EPM2A: variants seen among roughly 807,000 people sequenced by gnomAD.
The protein encoded by EPM2A is laforin.
In EPM2A, 21 loss-of-function variants were observed where a neutral mutation model predicts 26.5. The ratio of observed to expected loss-of-function variants is 0.79; its 90% CI spans 0.56 to 1.14. The LOEUF is 1.14. Ranked by LOEUF, EPM2A falls within the 50% of genes most tolerant of loss-of-function variation. The pLI is 0.00. For synonymous variants in EPM2A, 217 were observed against 177.6 expected, an observed-to-expected ratio of 1.22 and a Z score of -1.76; for missense variants, 458 against 440.8, an observed-to-expected ratio of 1.04 and a Z score of -0.35.
intron 4 of EPM2A, among the ~76,000 whole-genome samples, chr6:145,454,069 C>G (rs1401288394): frequency 1.3e-5 from 2 of 152,128 alleles, no homozygotes; most frequent in Non-Finnish European, 2.9e-5. Context: ...CCATTAGTAT[C>G]TAATAATATG....
chr6:145,447,742 A>C (rs1779144556), intron 4 of EPM2A, among the ~76,000 whole-genome samples: 2 of 152,216 alleles, frequency 1.3e-5, no homozygotes, highest in Non-Finnish European at 2.9e-5. Flanking sequence ...AAAGCACCTA[A>C]AACTCCAAGA....
chr6:145,632,823 C>T (rs1471396003), intron 3 of EPM2A, among the ~76,000 whole-genome samples: 2 of 152,152 alleles, frequency 1.3e-5, no homozygotes, highest in African/African-American at 4.8e-5. Context: ...AAAAAGTTCC[C>T]CTGCCACTCA....
chr6:145,474,529 A>T (rs1334290469), intron 4 of EPM2A, among the ~76,000 whole-genome samples: 1 of 152,080 alleles, frequency 6.6e-6, no homozygotes, highest in Non-Finnish European at 1.5e-5. Flanking sequence ...CTAGAAGAAA[A>T]TCTAGGCAAT....
chr6:145,502,001 A>C (rs529475327), intron 3 of EPM2A, among the ~76,000 whole-genome samples: 1 of 152,350 alleles, frequency 6.6e-6, no homozygotes, highest in African/African-American at 2.4e-5. Context: ...ATTGAACCCT[A>C]AACAGCTAAC....
chr6:145,735,154 G>A (rs1167830435), intron 1 of EPM2A, 44 bp downstream of exon 1: 5 of 1,412,138 alleles, frequency 3.5e-6, no homozygotes, highest in Non-Finnish European at 4.7e-6. Context: ...GGTGCGGGCC[G>A]GAGCTCCCGC....
chr6:145,592,428 G>C (rs1781287170), intron 2 of EPM2A, among the ~76,000 whole-genome samples: 1 of 151,954 alleles, frequency 6.6e-6, no homozygotes. Flanking sequence ...CATTTGGGTT[G>C]GTTCCAAGTC....
At chr6:145,631,694 C>G (rs1776261940) in intron 3 of EPM2A, 1 of 152,188 alleles carries the variant, frequency 6.6e-6, no homozygotes, top group Non-Finnish European at 1.5e-5. Context: ...TTGAGCCAGC[C>G]AAGGTTGTGA....
At chr6:145,726,609 T>C (rs1440599141) in intron 1 of EPM2A, among the ~76,000 whole-genome samples, 1 of 152,130 alleles carries the variant, frequency 6.6e-6, no homozygotes, top group Non-Finnish European at 1.5e-5. Flanking sequence ...TATGATGTAA[T>C]AAGGAAGGCA....
chr6:145,661,856 A>C (rs1778733690), intron 2 of EPM2A, among the ~76,000 whole-genome samples: 1 of 152,128 alleles, frequency 6.6e-6, no homozygotes, highest in Non-Finnish European at 1.5e-5. Context: ...GTGATCACTG[A>C]TCTCTATCAT....
At chr6:145,511,842 T>C (rs186044937) in intron 2 of EPM2A, among the ~76,000 whole-genome samples, 1 of 152,194 alleles carries the variant, frequency 6.6e-6, no homozygotes, top group African/African-American at 2.4e-5. Context: ...ACTGACAACA[T>C]GATCACATAC....
intron 4 of EPM2A, among the ~76,000 whole-genome samples, chr6:145,459,019 G>C (rs1341661000): frequency 1.3e-5 from 2 of 152,134 alleles, no homozygotes; most frequent in Admixed American, 1.3e-4. Flanking sequence ...AAGTGGAAAG[G>C]ACTTTGTTTT....
chr6:145,476,496 C>G (rs1779545282), intron 4 of EPM2A, among the ~76,000 whole-genome samples: 1 of 151,996 alleles, frequency 6.6e-6, no homozygotes, highest in African/African-American at 2.4e-5. Flanking sequence ...CTTAAGAATA[C>G]ACATTCTTTT....
intron 2 of EPM2A, among the ~76,000 whole-genome samples, chr6:145,651,320 G>C (rs1562443976): frequency 6.6e-6 from 1 of 152,202 alleles, no homozygotes; most frequent in Non-Finnish European, 1.5e-5. Context: ...TGATTAAGTA[G>C]ACTACAATAT....
At chr6:145,492,243 A>C (rs902037007) in intron 4 of EPM2A, among the ~76,000 whole-genome samples, 6 of 152,022 alleles carry the variant, frequency 3.9e-5, no homozygotes, top group African/African-American at 1.4e-4. Flanking sequence ...ACTCGAACCC[A>C]CTGCGCTCAA....
rs191917704 is a variant in EPM2A, at chr6:145,445,918, G to A, written c.555+56604C>T. 5.9e-5 allele frequency among the ~76,000 whole-genome samples: 9 copies of A among 152,226 alleles called. No homozygotes were observed. The South Asian group carries it at 6.2e-4, about 11-fold the overall frequency. On this transcript the variant is annotated intron_variant, in intron 4 of 4. Coordinates refer to the EPM2A transcript ENST00000638717. Reference sequence around the variant, plus strand: ...TAAATGATGCTGTATACTTTTTTAGGTTATGTTATTGGTGGTCTTACACCT... The same window carrying A: ...TAAATGATGCTGTATACTTTTTTAGATTATGTTATTGGTGGTCTTACACCT...
rs371085028 is a variant in EPM2A, at chr6:145,647,032, A to G, written c.477-11546T>C. 1.1e-4 allele frequency among the ~76,000 whole-genome samples: 16 copies of G among 152,160 alleles called. 1 individual carries two copies. In the South Asian group the frequency reaches 3.3e-3, roughly 32 times the overall value. ...TATTTCTTTCCTTCAGATCCACAAC[A>G]CTTAAGAAGTGAATTATATCAACAG... On this transcript the variant is annotated intron_variant, in intron 2 of 3. Coordinates refer to ENST00000367519, the MANE Select transcript of EPM2A (RefSeq NM_005670.4).
chr6:145,612,427 C>T lies in EPM2A; in HGVS notation c.340+22818G>A, dbSNP rs548396251. On this transcript the variant is annotated intron_variant, in intron 2 of 3. Transcript: ENST00000450221. ...GAAGAAAATAATTACTTGTAAGCCT[C>T]ATGGTAACACAAATTATCTTTTTTA... Among the ~76,000 whole-genome samples the T allele has an allele frequency of 2.7e-3, 418 of 152,230 alleles. 1 individual carries two copies. Among genetic ancestry groups the T allele is most frequent in the African/African-American group, 9.7e-3 (402 of 41,552 alleles).
At chr6:145,676,853 A>C (rs558557074) in intron 2 of EPM2A, among the ~76,000 whole-genome samples, 1 of 152,300 alleles carries the variant, frequency 6.6e-6, no homozygotes, top group South Asian at 2.1e-4. Context: ...GAGAGGTACA[A>C]AGAGGAGCTG....
intron 2 of EPM2A, among the ~76,000 whole-genome samples, chr6:145,558,372 G>A (rs1477859494): frequency 6.6e-6 from 1 of 152,088 alleles, no homozygotes; most frequent in Non-Finnish European, 1.5e-5. Flanking sequence ...TACAGGTATT[G>A]AGAATAATGC....
Sources: gnomAD v4.1 joint callset for allele counts (sites outside exome capture counted in the v4.1 genomes callset) on GRCh38, gnomAD v4.1.1 for gene constraint, MANE v1.5 for transcripts, NCBI Gene and HGNC (gene_info 2026-07-23, HGNC 2026-07-21) for gene names.